KCNB2: variants seen among roughly 807,000 people sequenced by gnomAD.
KCNB2 encodes the protein delayed rectifier potassium channel protein.
A neutral mutation model predicts 61.5 loss-of-function variants in KCNB2; 15 were observed. That is an observed-to-expected ratio of 0.24 (90% confidence interval 0.16 to 0.38). The LOEUF is 0.38. Among genes scored for constraint, KCNB2 ranks in the 10% least tolerant of loss-of-function variants. The probability of loss-of-function intolerance (pLI) is 1.00; values close to 1 mark genes in which losing one functional copy is unlikely to be tolerated. For missense variants in KCNB2, 828 were observed against 1,125.2 expected, an observed-to-expected ratio of 0.74 and a Z score of 3.78; for synonymous variants, 457 against 446.0, an observed-to-expected ratio of 1.02 and a Z score of -0.31.
intron 2 of KCNB2, among the ~76,000 whole-genome samples, chr8:72,674,418 G>A (rs1391568230): frequency 6.6e-6 from 1 of 152,202 alleles, no homozygotes; most frequent in Non-Finnish European, 1.5e-5. Context: ...GTCCACTTAG[G>A]TGTTGGAAGA....
chr8:72,745,456 T>C (rs889254760), intron 2 of KCNB2, among the ~76,000 whole-genome samples: 1 of 152,128 alleles, frequency 6.6e-6, no homozygotes, highest in African/African-American at 2.4e-5. Context: ...GGTTTGATAA[T>C]TGACTAGAAA....
chr8:72,910,879 A>G (rs1338027865), intron 2 of KCNB2, among the ~76,000 whole-genome samples: 1 of 152,222 alleles, frequency 6.6e-6, no homozygotes, highest in Non-Finnish European at 1.5e-5. Context: ...GGTTTGAAGT[A>G]TAACAAAAAG....
intron 2 of KCNB2, among the ~76,000 whole-genome samples, chr8:72,881,986 G>A (rs934255538): frequency 6.6e-6 from 1 of 152,140 alleles, no homozygotes; most frequent in Non-Finnish European, 1.5e-5. Flanking sequence ...TGGTAGGCTG[G>A]GAAAATGTAC....
intron 2 of KCNB2, among the ~76,000 whole-genome samples, chr8:72,569,986 A>G (rs1275178901): frequency 6.6e-6 from 1 of 152,156 alleles, no homozygotes; most frequent in Admixed American, 6.6e-5. Context: ...TTACAGAAAA[A>G]ATTTAAGATA....
intron 2 of KCNB2, among the ~76,000 whole-genome samples, chr8:72,694,110 A>C (rs1806981715): frequency 6.6e-6 from 1 of 152,236 alleles, no homozygotes; most frequent in Admixed American, 6.5e-5. Context: ...TTGTATCATA[A>C]CTACATCATG....
intron 2 of KCNB2, among the ~76,000 whole-genome samples, chr8:72,895,395 G>C (rs1489026238): frequency 6.6e-6 from 1 of 152,136 alleles, no homozygotes. Flanking sequence ...CTTTGAAGGT[G>C]GAAGAAGGGG....
chr8:72,790,776 A>G (rs1298020757), intron 2 of KCNB2, among the ~76,000 whole-genome samples: 1 of 152,180 alleles, frequency 6.6e-6, no homozygotes, highest in Admixed American at 6.5e-5. Flanking sequence ...ATGTGCTTGT[A>G]TGTGTAATTT....
chr8:72,780,000 G>A (rs1309875370), intron 2 of KCNB2, among the ~76,000 whole-genome samples: 1 of 152,044 alleles, frequency 6.6e-6, no homozygotes, highest in Non-Finnish European at 1.5e-5. Context: ...CATTTATTCT[G>A]GGTGGTTGCT....
chr8:72,819,940 A>T (rs1436765906), intron 2 of KCNB2, among the ~76,000 whole-genome samples: 2 of 152,058 alleles, frequency 1.3e-5, no homozygotes, highest in African/African-American at 4.8e-5. Flanking sequence ...CTCCTACCAG[A>T]TGCCTCCACT....
At chr8:72,887,831 C>T (rs1224496508) in intron 2 of KCNB2, among the ~76,000 whole-genome samples, 1 of 152,230 alleles carries the variant, frequency 6.6e-6, no homozygotes, top group African/African-American at 2.4e-5. Context: ...CAGGGCCCTA[C>T]ACTTTCTCTC....
chr8:72,577,286 C>T (rs1290744990), intron 2 of KCNB2, among the ~76,000 whole-genome samples: 1 of 146,280 alleles, frequency 6.8e-6, no homozygotes, highest in African/African-American at 2.5e-5. Context: ...TGTATGTGCC[C>T]ATGTGTATGT....
intron 2 of KCNB2, among the ~76,000 whole-genome samples, chr8:72,573,620 C>T (rs531868539): frequency 4.9e-4 from 69 of 141,410 alleles, no homozygotes; most frequent in African/African-American, 1.6e-3. Flanking sequence ...CTGTGTACCA[C>T]GCAGTGCTAT....
At chr8:72,639,823 T>C (rs1289088761) in intron 2 of KCNB2, among the ~76,000 whole-genome samples, 1 of 151,944 alleles carries the variant, frequency 6.6e-6, no homozygotes, top group Non-Finnish European at 1.5e-5. Context: ...GCTAATCTAA[T>C]GGATAGCCAG....
chr8:72,576,009 T>A (rs1806789156), intron 2 of KCNB2, among the ~76,000 whole-genome samples: 1 of 152,224 alleles, frequency 6.6e-6, no homozygotes, highest in Non-Finnish European at 1.5e-5. Context: ...GTTTACCCAT[T>A]TGAATTGATC....
intron 2 of KCNB2, among the ~76,000 whole-genome samples, chr8:72,611,113 G>A (rs1236691594): frequency 5.9e-5 from 9 of 152,058 alleles, no homozygotes; most frequent in African/African-American, 2.2e-4. Context: ...TGAAGAAAAG[G>A]AAAAAGAAAA....
chr8:72,789,242 T>C (rs554920620), intron 2 of KCNB2, among the ~76,000 whole-genome samples: 1 of 152,350 alleles, frequency 6.6e-6, no homozygotes, highest in African/African-American at 2.4e-5. Flanking sequence ...ATGTTTGCAA[T>C]AATATTGAGT....
chr8:72,906,781 G>T (rs114147012), intron 2 of KCNB2, among the ~76,000 whole-genome samples: 1 of 152,132 alleles, frequency 6.6e-6, no homozygotes, highest in Non-Finnish European at 1.5e-5. Context: ...GCTACCAGTT[G>T]TGACCTTGTA....
At chr8:72,806,979 C>G (rs370100144) in intron 2 of KCNB2, among the ~76,000 whole-genome samples, 15 of 152,214 alleles carry the variant, frequency 9.9e-5, no homozygotes, top group Non-Finnish European at 1.5e-4. Flanking sequence ...CTCCTCACCC[C>G]CTTTGGGGCA....
At chr8:72,587,682 C>G (rs1807021669) in intron 2 of KCNB2, among the ~76,000 whole-genome samples, 1 of 151,980 alleles carries the variant, frequency 6.6e-6, no homozygotes. Flanking sequence ...TGAGAGTCAT[C>G]ATGATCACAC....
Sources: gnomAD v4.1 joint callset for allele counts (sites outside exome capture counted in the v4.1 genomes callset) on GRCh38, gnomAD v4.1.1 for gene constraint, MANE v1.5 for transcripts, NCBI Gene and HGNC (gene_info 2026-07-23, HGNC 2026-07-21) for gene names.